BRCA1: variants seen among roughly 807,000 people sequenced by gnomAD.
The protein encoded by BRCA1 is breast cancer type 1 susceptibility protein.
In BRCA1, 140 loss-of-function variants were observed where a neutral mutation model predicts 173.7. The ratio of observed to expected loss-of-function variants is 0.81; its 90% CI spans 0.70 to 0.93. BRCA1 has a LOEUF of 0.93. BRCA1 is among the 40% of genes least tolerant of loss of function. BRCA1 has a pLI of 0.00. For missense variants in BRCA1, 1,983 were observed against 2,172.5 expected (o/e 0.91, Z 1.73); for synonymous variants, 662 against 756.0 (o/e 0.88, Z 2.04).
chr17:43,157,547 T>C (rs2056205244), intron 1 of BRCA1, among the ~76,000 whole-genome samples: 1 of 149,030 alleles, frequency 6.7e-6, no homozygotes, highest in Admixed American at 6.7e-5. Flanking sequence ...GAATACAAAA[T>C]TAGCTGGGCA....
chr17:43,136,449 C>A (rs1488953558), intron 1 of BRCA1, among the ~76,000 whole-genome samples: 2 of 152,136 alleles, frequency 1.3e-5, no homozygotes, highest in African/African-American at 4.8e-5. Flanking sequence ...TCTAATTAAA[C>A]TAAAGAGCTT....
In BRCA1 at chr17:43,070,915, T is replaced by C. The variant is rs5031012; in HGVS notation, c.4986+13A>G. The C allele has an allele frequency of 8.1e-6, 13 of 1,613,746 alleles. No homozygotes were observed. In the African/African-American group the frequency reaches 1.5e-4, roughly 18 times the overall value. On this transcript the variant is annotated intron_variant, in intron 15 of 22. Transcript: ENST00000357654. ...GTCTTAGTCATTAGGGAGATACATA[T>C]GGATACACTCACAAATTCTTCTGGG...
intron 1 of BRCA1, chr17:43,145,360 T>C: frequency 2.4e-6 from 1 of 418,854 alleles, no homozygotes; most frequent in Non-Finnish European, 4.5e-6. Flanking sequence ...AGAGTCTCGC[T>C]CTGTCGCCCA....
chr17:43,085,848 A>G (rs1479599567), intron 11 of BRCA1, among the ~76,000 whole-genome samples: 1 of 152,116 alleles, frequency 6.6e-6, no homozygotes, highest in African/African-American at 2.4e-5. Flanking sequence ...ATATAAATAT[A>G]TATATAAAAC....
intron 2 of BRCA1, among the ~76,000 whole-genome samples, chr17:43,121,191 T>C (rs553201733): frequency 4.6e-5 from 7 of 151,316 alleles, no homozygotes; most frequent in African/African-American, 1.7e-4. Flanking sequence ...TTGGCTAACA[T>C]GGTGAAACCC....
At chr17:43,139,277 G>A (rs961130992) in intron 1 of BRCA1, among the ~76,000 whole-genome samples, 6 of 142,532 alleles carry the variant, frequency 4.2e-5, no homozygotes, top group African/African-American at 1.0e-4. Context: ...ACATGTGAAC[G>A]TTTGTTATAT....
At chr17:43,131,896 G>C (rs1225233312) in intron 1 of BRCA1, among the ~76,000 whole-genome samples, 1 of 151,906 alleles carries the variant, frequency 6.6e-6, no homozygotes, top group Non-Finnish European at 1.5e-5. Flanking sequence ...CGATTCTTGT[G>C]CCTCAGCCTC....
At chr17:43,116,143 T>A (rs146602768) in intron 2 of BRCA1, among the ~76,000 whole-genome samples, 2 of 152,340 alleles carry the variant, frequency 1.3e-5, no homozygotes, top group East Asian at 3.8e-4. Flanking sequence ...TTAAGCTCCA[T>A]AAAGACAAAA....
At chr17:43,131,706 G>A (rs1380297339) in intron 1 of BRCA1, among the ~76,000 whole-genome samples, 1 of 150,920 alleles carries the variant, frequency 6.6e-6, no homozygotes, top group African/African-American at 2.4e-5. Flanking sequence ...CGGTGACAGA[G>A]CGAGACTCCG....
intron 1 of BRCA1, among the ~76,000 whole-genome samples, chr17:43,132,287 G>T (rs1234057583): frequency 6.6e-6 from 1 of 152,080 alleles, no homozygotes; most frequent in East Asian, 1.9e-4. Context: ...TCTGTCTTCA[G>T]TGCTATCTCG....
rs750594744 is a variant in BRCA1 at position 43,093,170 on chromosome 17, T to C, written c.2361A>G (p.Glu787=). ...YGTQESISLL[E]VSTLGKAKTE... is the part of the protein sequence containing the mutation. The stretch of plus-strand genomic sequence containing the variant: ...TTTTTGCCTTCCCTAGAGTGCTAAC[T>C]TCCAGTAACGAGATACTTTCCTGAG... Residue 787 remains glutamate, a synonymous_variant, in exon 10 of 23, where the codon GAA becomes GAG. Coordinates refer to ENST00000357654, the MANE Select transcript of BRCA1 (RefSeq NM_007294.4). The C allele has an allele frequency of 6.2e-7, 1 of 1,613,848 alleles. No homozygotes were observed. The highest frequency in any genetic ancestry group is 1.1e-5 in the South Asian group (1 of 91,062).
At chr17:43,065,001 T>C (rs1441570593) in intron 16 of BRCA1, among the ~76,000 whole-genome samples, 3 of 152,118 alleles carry the variant, frequency 2.0e-5, no homozygotes, top group South Asian at 4.2e-4. Context: ...CGGCTAATTT[T>C]TTGTATTTTT....
intron 11 of BRCA1, among the ~76,000 whole-genome samples, chr17:43,086,896 G>A (rs2053249498): frequency 6.6e-6 from 1 of 152,176 alleles, no homozygotes; most frequent in Admixed American, 6.5e-5. Context: ...ACAGAGTGGG[G>A]AGTCATCTCA....
At chr17:43,104,803 G>T (rs2154551184) in intron 5 of BRCA1, 65 bp downstream of exon 5, 1 of 1,389,202 alleles carries the variant, frequency 7.2e-7, no homozygotes, top group Non-Finnish European at 1.0e-6. Context: ...GAAAGTAATT[G>T]TGCAAACTTC....
In BRCA1 at chr17:43,094,097, A is replaced by C. The variant is rs876658280; in HGVS notation, c.1434T>G (p.Thr478=). 1 of 1,613,972 alleles carries C rather than the reference A, an allele frequency of 6.2e-7. No individual in the cohort carries two copies. The highest frequency in any genetic ancestry group is 8.5e-7 in the Non-Finnish European group (1 of 1,180,000). Residue 478 remains threonine, a synonymous_variant, in exon 10 of 23, where the codon ACT becomes ACG. Transcript: ENST00000357654. ...KASLPNLSHV[T]ENLIIGAFVT... ...CAAATGCTCCTATAATTAGATTTTC[A>C]GTTACATGGCTTAAGTTGGGGAGGC...
chr17:43,089,819 C>A (rs2053375067), intron 11 of BRCA1, among the ~76,000 whole-genome samples: 1 of 151,650 alleles, frequency 6.6e-6, no homozygotes, highest in Admixed American at 6.6e-5. Context: ...CCAGCCTGGG[C>A]AACATAGTGA....
chr17:43,125,836 G>A (rs73625094), upstream of BRCA1: 3 of 155,686 alleles, frequency 1.9e-5, no homozygotes, highest in African/African-American at 7.2e-5. Context: ...CATGCGTTGC[G>A]GAATGAAAGG....
At chr17:43,125,111 T>TCCCCCCCC in intron 1 of BRCA1, 160 bp downstream of exon 1, 2 of 423,314 alleles carry the variant, frequency 4.7e-6, no homozygotes, top group Non-Finnish European at 9.4e-6. Flanking sequence ...ACCTACAAAC[T>TCCCCCCCC]GCCCCCCTCC....
chr17:43,117,728 G>C (rs1298899490), intron 2 of BRCA1, among the ~76,000 whole-genome samples: 1 of 152,086 alleles, frequency 6.6e-6, no homozygotes, highest in Non-Finnish European at 1.5e-5. Context: ...GACAGAGCTG[G>C]ACTCCATCTC....
Sources: allele counts gnomAD v4.1 joint callset (sites outside exome capture counted in the v4.1 genomes callset), GRCh38; gene constraint gnomAD v4.1.1; transcripts MANE v1.5; gene names NCBI Gene and HGNC (gene_info 2026-07-23, HGNC 2026-07-21).